RNF157: variants seen among roughly 807,000 people sequenced by gnomAD.
RNF157 encodes ring finger protein 157.
In RNF157, 55 loss-of-function variants were observed where a neutral mutation model predicts 88.3. The observed-to-expected ratio is 0.62, with a 90% CI of 0.50 to 0.78. The LOEUF (loss-of-function observed/expected upper bound fraction) is 0.78, where lower values mean the gene tolerates loss of function less well. RNF157 is among the 30% of genes least tolerant of loss of function. The probability of loss-of-function intolerance (pLI) is 0.00; values close to 1 mark genes in which losing one functional copy is unlikely to be tolerated. For missense variants in RNF157, 788 were observed against 860.8 expected, an observed-to-expected ratio of 0.92 and a Z score of 1.06; for synonymous variants, 334 against 341.2, an observed-to-expected ratio of 0.98 and a Z score of 0.23.
intron 1 of RNF157, among the ~76,000 whole-genome samples, chr17:76,219,581 G>T (rs1431460744): frequency 6.6e-6 from 1 of 152,032 alleles, no homozygotes. Context: ...CTTTGAATAC[G>T]CATTGCTTTA....
chr17:76,150,064 C>G (rs1033038366), intron 18 of RNF157, among the ~76,000 whole-genome samples: 20 of 152,002 alleles, frequency 1.3e-4, no homozygotes, highest in African/African-American at 4.1e-4. Flanking sequence ...CAAAAAAACT[C>G]AAATCCTTTC....
At chr17:76,179,892 A>C (rs989178562) in intron 2 of RNF157, among the ~76,000 whole-genome samples, 1 of 152,210 alleles carries the variant, frequency 6.6e-6, no homozygotes, top group Non-Finnish European at 1.5e-5. Context: ...TCGTTTTCTC[A>C]GTTCATATCC....
chr17:76,194,742 A>G (rs150672751), intron 2 of RNF157, among the ~76,000 whole-genome samples: 1,532 of 152,286 alleles, frequency 0.01, 6 homozygotes, highest in South Asian at 0.018. Flanking sequence ...CAGGCCGGGC[A>G]CGGTGGCTCA....
Position 76,161,179 on chromosome 17 carries a change from C to T in RNF157, c.1065+356G>A, listed in dbSNP as rs936425604. ...GATAAAGAAAAACAGTTACTTTCTTCGAGGATTCAAATAAAGATAATAAAT... is the reference window on the plus strand; with the variant it reads ...GATAAAGAAAAACAGTTACTTTCTTTGAGGATTCAAATAAAGATAATAAAT... On this transcript the variant is annotated intron_variant, in intron 11 of 18. Transcript: ENST00000269391. The surrounding 1 kb of genome is among the most constrained non-coding windows in gnomAD (Gnocchi z 4.6). Among the ~76,000 whole-genome samples, 3 of 152,142 alleles carry T rather than the reference C, an allele frequency of 2.0e-5. No individual in the cohort carries two copies. Among genetic ancestry groups the T allele is most frequent in the Non-Finnish European group, 4.4e-5 (3 of 68,012 alleles).
rs1598391024 is a variant in RNF157, at chr17:76,157,434, G to A, written c.1413+959C>T. On this transcript the variant is annotated intron_variant, in intron 13 of 18. Transcript: ENST00000269391. The surrounding 1 kb of genome is among the most constrained non-coding windows in gnomAD (Gnocchi z 5.6). ...GACTTCCTGCTCTGTGCCTTTGCAT[G>A]CATCGTCTTCTCCACATGGATGTTT... Among the ~76,000 whole-genome samples, 1 of 152,210 alleles carries A rather than the reference G, an allele frequency of 6.6e-6. No individual in the cohort carries two copies. The highest frequency in any genetic ancestry group is 1.5e-5 in the Non-Finnish European group (1 of 68,046).
intron 2 of RNF157, among the ~76,000 whole-genome samples, chr17:76,207,635 G>A (rs1325127172): frequency 6.6e-6 from 1 of 152,168 alleles, no homozygotes; most frequent in Admixed American, 6.5e-5. Context: ...CTGCAAAGAG[G>A]AGTCGTTCTT....
chr17:76,154,414 G>C (rs1186738892), intron 16 of RNF157, 86 bp from the exon 17 acceptor site: 1 of 867,364 alleles, frequency 1.2e-6, no homozygotes, highest in East Asian at 2.4e-5. Flanking sequence ...TCATCCTACT[G>C]GTATCTAACT....
At chr17:76,152,501 C>G (rs1403843341) in intron 17 of RNF157, 36 bp from the exon 18 acceptor site, 1 of 1,305,330 alleles carries the variant, frequency 7.7e-7, no homozygotes, top group Non-Finnish European at 1.1e-6. Context: ...GAGGGGCTGG[C>G]TGTGTTTTTC....
chr17:76,230,935 C>CTTTTTTT (rs149390437), intron 1 of RNF157, among the ~76,000 whole-genome samples: 2 of 132,630 alleles, frequency 1.5e-5, no homozygotes. Context: ...AAGATTTAAT[C>CTTTTTTT]TTTTTTTTTT....
In RNF157 at chr17:76,207,441, T is replaced by G. The variant is rs116116498; in HGVS notation, c.207+4923A>C. 7.6e-3 allele frequency among the ~76,000 whole-genome samples: 1,156 copies of G among 152,016 alleles called. 18 individuals carry two copies. Among genetic ancestry groups the G allele is most frequent in the African/African-American group, 0.026 (1,089 of 41,482 alleles). ...CTATCTCTAGGGGAAAAAAAAAAAT[T>G]GGCTTTGATGGATTATCCTAAGTGG... is the stretch of plus-strand genomic sequence containing the variant. On this transcript the variant is annotated intron_variant, in intron 2 of 18. Coordinates refer to ENST00000269391, the MANE Select transcript of RNF157 (RefSeq NM_052916.3).
At chr17:76,152,795 C>T (rs1329820172) in intron 17 of RNF157, among the ~76,000 whole-genome samples, 1 of 152,182 alleles carries the variant, frequency 6.6e-6, no homozygotes, top group East Asian at 1.9e-4. Context: ...GGTGAGGCTG[C>T]GACCAACCAG....
In RNF157 at chr17:76,146,981, C is replaced by A. The variant is rs1473807642; in HGVS notation, c.1922-1628G>T. 1.0e-6 allele frequency: 1 copy of A among 985,320 alleles called. No homozygotes were observed. The highest frequency in any genetic ancestry group is 1.2e-6 in the Non-Finnish European group (1 of 829,930). The allele number at this position is 985,320 out of a possible 1,614,324, so 61.0% of individuals were successfully genotyped here. A position where few individuals can be genotyped will look rare whatever the true frequency, so the allele number is the denominator to read the frequency against. On this transcript the variant is annotated intron_variant, in intron 18 of 18. Transcript: ENST00000269391. The surrounding 1 kb of genome is among the most constrained non-coding windows in gnomAD (Gnocchi z 4.2). ...AATGCCTTGGTGTGCTAATCCACCT[C>A]AGGCTCTAGTAACAGTCTCTGGTGC...
At chr17:76,164,624 AG>A in intron 8 of RNF157, 123 bp downstream of exon 8, 10 of 507,420 alleles carry the variant, frequency 2.0e-5, no homozygotes, top group Middle Eastern at 5.2e-4. Context: ...AAAAAAAAAA[AG>A]AGGAAAAGGA....
At chr17:76,158,078 G>A (rs1475614223) in intron 13 of RNF157, among the ~76,000 whole-genome samples, 1 of 152,064 alleles carries the variant, frequency 6.6e-6, no homozygotes, top group African/African-American at 2.4e-5. Context: ...AGCACCATCA[G>A]GCACACATGT....
At chr17:76,152,503 G>T in intron 17 of RNF157, 38 bp from the exon 18 acceptor site, 2 of 1,303,990 alleles carry the variant, frequency 1.5e-6, no homozygotes, top group Non-Finnish European at 2.2e-6. Flanking sequence ...GGGGCTGGCT[G>T]TGTTTTTCTC....
rs758276353 is a variant in RNF157, at chr17:76,176,611, G to T, written c.208-2821C>A. ...CCATCACAACGGCTGCTGCAGGGGG[G>T]TCGCAGGGAGCAGACAGACAGCCCC... is the stretch of plus-strand genomic sequence containing the variant. On this transcript the variant is annotated intron_variant, in intron 2 of 18. Transcript: ENST00000269391. The surrounding 1 kb of genome is among the most constrained non-coding windows in gnomAD (Gnocchi z 4.2). 1.1e-3 allele frequency among the ~76,000 whole-genome samples: 163 copies of T among 152,184 alleles called. 1 individual carries two copies. Among genetic ancestry groups the T allele is most frequent in the Non-Finnish European group, 2.0e-3 (136 of 68,026 alleles).
Position 76,155,726 on chromosome 17 carries a change from T to A in RNF157, c.1534A>T (p.Ser512Cys). 1 of 1,570,970 alleles carries A rather than the reference T, an allele frequency of 6.4e-7. No homozygotes were observed. The highest frequency in any genetic ancestry group is 8.6e-7 in the Non-Finnish European group (1 of 1,158,634). ...ATGACAGACTGGGCCAAGCTGCTGC[T>A]GGCAGGGCCTTTGGAGACAGGGGAT... The part of the protein sequence containing the change: ...STISSPEGPA[S>C]SSLAQSVMSM... Residue 512 changes from serine to cysteine, a missense_variant, in exon 15 of 19, where the codon AGC becomes TGC. Physicochemically the swap from Ser to Cys is moderately radical, Grantham distance 112. Transcript: ENST00000269391.
At chr17:76,235,338 C>T (rs539320910) in intron 1 of RNF157, among the ~76,000 whole-genome samples, 1 of 152,212 alleles carries the variant, frequency 6.6e-6, no homozygotes, top group East Asian at 1.9e-4. Context: ...GTTGGGACTA[C>T]AGGCTTCTGT....
chr17:76,188,070 C>A (rs1434309395), intron 2 of RNF157, among the ~76,000 whole-genome samples: 1 of 152,188 alleles, frequency 6.6e-6, no homozygotes, highest in East Asian at 1.9e-4. Context: ...TAGCAGTGGG[C>A]AGCCAAGATT....
Sources: gnomAD v4.1 joint callset for allele counts (sites outside exome capture counted in the v4.1 genomes callset) on GRCh38, gnomAD v4.1.1 for gene constraint, Gnocchi (gnomAD v3.1) non-coding constraint, MANE v1.5 for transcripts, NCBI Gene and HGNC (gene_info 2026-07-23, HGNC 2026-07-21) for gene names.